CUEDC1: variants seen among roughly 807,000 people sequenced by gnomAD.
The protein encoded by CUEDC1 is CUE domain-containing protein 1.
CUEDC1 carries 30 observed loss-of-function variants against 43.7 expected under a neutral mutation model. The ratio of observed to expected loss-of-function variants is 0.69; its 90% CI spans 0.51 to 0.93. CUEDC1 has a LOEUF of 0.93. Ranked by LOEUF, CUEDC1 falls within the 40% of genes least tolerant of loss-of-function variation. The pLI, the probability that CUEDC1 is intolerant of heterozygous loss-of-function variation, is 0.00. For synonymous variants in CUEDC1, 223 were observed against 223.6 expected (o/e 1.00, Z 0.02); for missense variants, 486 against 549.0 (o/e 0.89, Z 1.15).
intron 1 of CUEDC1, among the ~76,000 whole-genome samples, chr17:57,886,463 C>T (rs1026943068): frequency 6.6e-6 from 1 of 152,212 alleles, no homozygotes; most frequent in African/African-American, 2.4e-5. Context: ...TGATGAGAAG[C>T]GGGACCCTCC....
At chr17:57,870,298 C>T (rs2074016711) in intron 6 of CUEDC1, among the ~76,000 whole-genome samples, 1 of 152,206 alleles carries the variant, frequency 6.6e-6, no homozygotes, top group South Asian at 2.1e-4. Flanking sequence ...GCACTGCAGC[C>T]CCCTCACCCC....
chr17:57,941,938 G>T (rs1362604470), intron 1 of CUEDC1, among the ~76,000 whole-genome samples: 2 of 152,178 alleles, frequency 1.3e-5, no homozygotes, highest in African/African-American at 4.8e-5. Flanking sequence ...AAATGTGTGT[G>T]GAGAAGCCAG....
At chr17:57,871,146 G>T in intron 6 of CUEDC1, 140 bp downstream of exon 6, 1 of 694,694 alleles carries the variant, frequency 1.4e-6, no homozygotes, top group Non-Finnish European at 2.6e-6. Flanking sequence ...AAGCAGCCCC[G>T]CCAGCCTGCT....
At position 57,885,627 on chromosome 17, in the gene CUEDC1, T is replaced by C. The variant is rs572588544; in HGVS notation, c.-63A>G. On this transcript the variant is annotated 5_prime_UTR_variant, in exon 2 of 11. Transcript: ENST00000577830. ...CGCAAAGCCCCTTCCCCAGGGTCTT[T>C]CCGCCGTCAGCCGCTTACTTGCCCT... 1.3e-5 allele frequency: 17 copies of C among 1,332,888 alleles called. No individual in the cohort carries two copies. In the African/African-American group the frequency reaches 2.6e-4, roughly 21 times the overall value. The allele number at this position is 1,332,888 out of a possible 1,614,324, so 82.6% of individuals were successfully genotyped here. A position where few individuals can be genotyped will look rare whatever the true frequency, so the allele number is the denominator to read the frequency against.
At chr17:57,889,614 A>T (rs7216665) in intron 1 of CUEDC1, among the ~76,000 whole-genome samples, 3 of 152,146 alleles carry the variant, frequency 2.0e-5, no homozygotes, top group African/African-American at 7.2e-5. Flanking sequence ...GGAGTTGCCC[A>T]AGGACACACA....
At position 57,954,796 on chromosome 17, in the gene CUEDC1, C is replaced by G. The variant is rs1253066135; in HGVS notation, c.-316+429G>C. Among the ~76,000 whole-genome samples the G allele has an allele frequency of 6.6e-6, 1 of 152,114 alleles. No individual in the cohort carries two copies. The highest frequency in any genetic ancestry group is 1.5e-5 in the Non-Finnish European group (1 of 67,986). On this transcript the variant is annotated intron_variant, in intron 1 of 10. Transcript: ENST00000577830. This position sits in a 1 kb window ranked among gnomAD's most constrained non-coding sequence, Gnocchi z 4.3. ...GCCGCCCAGCCTGCGCCCCCAGGCC[C>G]GGGCACTGCGGGGAGGGGCGCCCAC...
chr17:57,938,398 C>T (rs559485958), intron 1 of CUEDC1, among the ~76,000 whole-genome samples: 1 of 152,294 alleles, frequency 6.6e-6, no homozygotes, highest in Non-Finnish European at 1.5e-5. Flanking sequence ...CATGGCCTTC[C>T]AACAAACAGC....
At chr17:57,909,696 C>T (rs759264388) in intron 1 of CUEDC1, among the ~76,000 whole-genome samples, 19 of 152,236 alleles carry the variant, frequency 1.2e-4, no homozygotes, top group Non-Finnish European at 2.5e-4. Flanking sequence ...GAGGACCAGG[C>T]TCAGAAAGGC....
intron 1 of CUEDC1, among the ~76,000 whole-genome samples, chr17:57,936,803 A>C (rs2074866257): frequency 6.9e-6 from 1 of 144,426 alleles, no homozygotes; most frequent in African/African-American, 2.6e-5. Flanking sequence ...CCGCCCCCAT[A>C]CAGCCCTCCA....
At chr17:57,885,018 C>T (rs2074267425) in intron 2 of CUEDC1, among the ~76,000 whole-genome samples, 1 of 152,254 alleles carries the variant, frequency 6.6e-6, no homozygotes, top group African/African-American at 2.4e-5. Flanking sequence ...TGAATGACTG[C>T]ATGATTTCTG....
intron 2 of CUEDC1, among the ~76,000 whole-genome samples, chr17:57,884,040 T>G (rs1288968660): frequency 6.6e-6 from 1 of 151,982 alleles, no homozygotes; most frequent in Non-Finnish European, 1.5e-5. Context: ...GCAGGTCCCC[T>G]CTCTCCAGCC....
chr17:57,861,451 T>G lies in CUEDC1; in HGVS notation c.*1838A>C, dbSNP rs1330445083. 1.3e-5 allele frequency: 2 copies of G among 152,146 alleles called. No homozygotes were observed. The highest frequency in any genetic ancestry group is 2.9e-5 in the Non-Finnish European group (2 of 68,102). The allele number at this position is 152,146 out of a possible 1,614,324, so 9.4% of individuals were successfully genotyped here. ...CGCAGGTGTCACCTCGAGAGTGCAGTCGGAGAGCGCCGCGGGTGAATGGGC... is the reference window on the plus strand; with the variant it reads ...CGCAGGTGTCACCTCGAGAGTGCAGGCGGAGAGCGCCGCGGGTGAATGGGC... On this transcript the variant is annotated 3_prime_UTR_variant, in exon 11 of 11. Transcript: ENST00000577830.
intron 1 of CUEDC1, among the ~76,000 whole-genome samples, chr17:57,925,897 C>T (rs1033859962): frequency 1.3e-5 from 2 of 152,200 alleles, no homozygotes; most frequent in African/African-American, 4.8e-5. Context: ...TTCACCTGAC[C>T]GCCTGTCCTC....
In CUEDC1 at chr17:57,889,089, G is replaced by A. The variant is rs114546270; in HGVS notation, c.-315-3210C>T. Among the ~76,000 whole-genome samples, 648 of 152,256 alleles carry A rather than the reference G, an allele frequency of 4.3e-3. 5 individuals are homozygous for A. Among genetic ancestry groups the A allele is most frequent in the African/African-American group, 0.015 (627 of 41,524 alleles). ...ACGCACCAGTTCAGACAAGGCCTCC[G>A]CACTCCCCAGCTGTGGGACCTCAGA... On this transcript the variant is annotated intron_variant, in intron 1 of 10. Transcript: ENST00000577830.
intron 1 of CUEDC1, among the ~76,000 whole-genome samples, chr17:57,923,196 C>T (rs1285913738): frequency 6.6e-6 from 1 of 152,148 alleles, no homozygotes; most frequent in Non-Finnish European, 1.5e-5. Context: ...GTCCATGGCA[C>T]CCAAAACTCA....
At chr17:57,902,784 C>G (rs574792310) in intron 1 of CUEDC1, among the ~76,000 whole-genome samples, 1 of 152,274 alleles carries the variant, frequency 6.6e-6, no homozygotes, top group East Asian at 1.9e-4. Context: ...GGGCACAAAC[C>G]CTATAGCAGA....
intron 1 of CUEDC1, among the ~76,000 whole-genome samples, chr17:57,917,145 G>T (rs999742348): frequency 4.6e-5 from 7 of 152,224 alleles, no homozygotes; most frequent in African/African-American, 1.7e-4. Flanking sequence ...CCCTGAGGTT[G>T]CCACAGGTCC....
intron 1 of CUEDC1, among the ~76,000 whole-genome samples, chr17:57,935,378 G>GACACACACACACACACACAC (rs146002407): frequency 7.0e-6 from 1 of 142,088 alleles, no homozygotes; most frequent in African/African-American, 2.6e-5. Flanking sequence ...CCTTCCATTA[G>GACACACACACACACACACAC]ACACACACAC....
chr17:57,921,832 G>T (rs766948445), intron 1 of CUEDC1, among the ~76,000 whole-genome samples: 13 of 152,142 alleles, frequency 8.5e-5, no homozygotes, highest in Non-Finnish European at 1.9e-4. Context: ...GTCAGATTTG[G>T]TCAGGCGCAG....
Sources: allele counts gnomAD v4.1 joint callset (sites outside exome capture counted in the v4.1 genomes callset), GRCh38; gene constraint gnomAD v4.1.1; non-coding constraint Gnocchi (gnomAD v3.1); transcripts MANE v1.5; gene names NCBI Gene and HGNC (gene_info 2026-07-23, HGNC 2026-07-21).